Variants in SLC4A4 observed in about 807,000 individuals in gnomAD.
The protein encoded by SLC4A4 is solute carrier family 4 member 4.
SLC4A4 carries 27 observed loss-of-function variants against 111.5 expected under a neutral mutation model. That is an observed-to-expected ratio of 0.24 (90% CI 0.18 to 0.33). The LOEUF (loss-of-function observed/expected upper bound fraction) is 0.33, where lower values mean the gene tolerates loss of function less well. Among genes scored for constraint, SLC4A4 ranks in the 10% least tolerant of loss-of-function variants. The probability of loss-of-function intolerance (pLI) is 1.00; values close to 1 mark genes in which losing one functional copy is unlikely to be tolerated. For synonymous variants in SLC4A4, 443 were observed against 463.4 expected, an observed-to-expected ratio of 0.96 and a Z score of 0.57; for missense variants, 909 against 1,315.5, an observed-to-expected ratio of 0.69 and a Z score of 4.78.
In SLC4A4 at chr4:71,144,892, A is replaced by C. The variant is rs1325150439; in HGVS notation, c.-2+52100A>C. On this transcript the variant is annotated intron_variant, in intron 2 of 26. Coordinates refer to the SLC4A4 transcript ENST00000649996. ...TAGATATACAATCATGTCATCTGCA[A>C]ACAGGGACAATTTGACTTCCTCTTT... is the stretch of plus-strand genomic sequence containing the variant. Among the ~76,000 whole-genome samples, 4 of 152,292 alleles carry C rather than the reference A, an allele frequency of 2.6e-5. No individual in the cohort carries two copies. In the East Asian group the frequency reaches 7.7e-4, roughly 29 times the overall value.
intron 1 of SLC4A4, among the ~76,000 whole-genome samples, chr4:71,089,034 G>A (rs61233301): frequency 0.013 from 1,934 of 151,994 alleles, 62 homozygotes; most frequent in African/African-American, 0.044. Context: ...TGTCACTTTC[G>A]GTACACCAGT....
At chr4:71,438,300 CAA>C (rs892092483) in intron 7 of SLC4A4, among the ~76,000 whole-genome samples, 6 of 152,098 alleles carry the variant, frequency 3.9e-5, no homozygotes, top group African/African-American at 1.4e-4. Flanking sequence ...GATGCAAAGA[CAA>C]AGAGATGAGA....
At chr4:71,084,553 C>G (rs12499184) in intron 1 of SLC4A4, among the ~76,000 whole-genome samples, 2,152 of 151,724 alleles carry the variant, frequency 0.014, 74 homozygotes, top group African/African-American at 0.047. Context: ...ATCCCTCCCC[C>G]CTGCCCCCAC....
intron 3 of SLC4A4, among the ~76,000 whole-genome samples, chr4:71,334,309 T>G (rs868777425): frequency 1.3e-5 from 2 of 152,116 alleles, no homozygotes; most frequent in African/African-American, 4.8e-5. Flanking sequence ...AAATGTCACC[T>G]GGGAGCTAGG....
chr4:71,170,718 T>C (rs1171432277), intron 2 of SLC4A4, among the ~76,000 whole-genome samples: 1 of 152,168 alleles, frequency 6.6e-6, no homozygotes, highest in African/African-American at 2.4e-5. Context: ...GTGGAGGATA[T>C]AAGAAACATA....
chr4:71,491,437 T>C (rs1729899881), intron 15 of SLC4A4, among the ~76,000 whole-genome samples: 2 of 151,950 alleles, frequency 1.3e-5, no homozygotes, highest in African/African-American at 4.8e-5. Context: ...ATGTGGAGTT[T>C]GCATGTTCTT....
At chr4:71,384,123 T>C (rs1456183234) in intron 6 of SLC4A4, among the ~76,000 whole-genome samples, 1 of 152,188 alleles carries the variant, frequency 6.6e-6, no homozygotes, top group Non-Finnish European at 1.5e-5. Context: ...CTGAACAGAA[T>C]TTTCCAGAGT....
intron 2 of SLC4A4, among the ~76,000 whole-genome samples, chr4:71,159,281 A>G (rs1217565629): frequency 1.3e-5 from 2 of 152,216 alleles, no homozygotes; most frequent in African/African-American, 2.4e-5. Flanking sequence ...TTAATCTTAC[A>G]ACTTCAAACA....
intron 5 of SLC4A4, among the ~76,000 whole-genome samples, chr4:71,350,812 G>T (rs1340277896): frequency 6.6e-6 from 1 of 152,102 alleles, no homozygotes; most frequent in Non-Finnish European, 1.5e-5. Flanking sequence ...CCTTCTGCAG[G>T]TCTTTGATCC....
chr4:71,318,906 A>T (rs1726908610), intron 3 of SLC4A4, among the ~76,000 whole-genome samples: 2 of 151,516 alleles, frequency 1.3e-5, no homozygotes, highest in Admixed American at 1.3e-4. Flanking sequence ...TGTAGTAGAG[A>T]ATTAGACTTC....
At chr4:71,283,268 C>A (rs1270794090) in intron 3 of SLC4A4, among the ~76,000 whole-genome samples, 1 of 152,190 alleles carries the variant, frequency 6.6e-6, no homozygotes, top group East Asian at 1.9e-4. Flanking sequence ...GAATGAAAAG[C>A]TGAATTCCAT....
intron 16 of SLC4A4, among the ~76,000 whole-genome samples, chr4:71,527,696 TAA>T (rs201680509): frequency 6.8e-6 from 1 of 146,332 alleles, no homozygotes; most frequent in Admixed American, 6.8e-5. Context: ...TCCTCTTTAT[TAA>T]AAAAAAAAAG....
chr4:71,210,687 G>T (rs1162488752), intron 1 of SLC4A4, among the ~76,000 whole-genome samples: 2 of 152,208 alleles, frequency 1.3e-5, no homozygotes, highest in African/African-American at 2.4e-5. Flanking sequence ...TAAACAAAAT[G>T]ATCAGAAGAA....
At chr4:71,195,062 G>A (rs1042847945) in intron 1 of SLC4A4, among the ~76,000 whole-genome samples, 4 of 152,144 alleles carry the variant, frequency 2.6e-5, no homozygotes, top group South Asian at 2.1e-4. Context: ...GAATTAAAAT[G>A]TGTATGATTT....
At chr4:71,229,334 T>C (rs72607826) in intron 1 of SLC4A4, among the ~76,000 whole-genome samples, 19,960 of 152,230 alleles carry the variant, frequency 0.13, 1,475 homozygotes, top group South Asian at 0.32. Context: ...TTCTGGACTT[T>C]TCTACTATAC....
At chr4:71,463,725 C>G (rs995197062) in intron 12 of SLC4A4, among the ~76,000 whole-genome samples, 2 of 152,102 alleles carry the variant, frequency 1.3e-5, no homozygotes, top group Admixed American at 6.6e-5. Context: ...CCTAGAGTGT[C>G]ATTTGGGTCT....
intron 6 of SLC4A4, among the ~76,000 whole-genome samples, chr4:71,376,201 G>A (rs10015483): frequency 1.7e-5 from 2 of 119,276 alleles, no homozygotes; most frequent in Non-Finnish European, 3.7e-5. Flanking sequence ...ACATATATAT[G>A]TGTGTATATA....
At chr4:71,312,871 G>C (rs917420954) in intron 3 of SLC4A4, among the ~76,000 whole-genome samples, 1 of 152,166 alleles carries the variant, frequency 6.6e-6, no homozygotes, top group Non-Finnish European at 1.5e-5. Context: ...ACAAGACAAG[G>C]ATGCCCTCTC....
At chr4:71,070,898 G>A (rs1741643185) in intron 1 of SLC4A4, among the ~76,000 whole-genome samples, 1 of 152,200 alleles carries the variant, frequency 6.6e-6, no homozygotes, top group Admixed American at 6.5e-5. Flanking sequence ...TATCAGGTTT[G>A]TGAATAGCAG....
Sources: gnomAD v4.1 joint callset for allele counts (sites outside exome capture counted in the v4.1 genomes callset) on GRCh38, gnomAD v4.1.1 for gene constraint, MANE v1.5 for transcripts, NCBI Gene and HGNC (gene_info 2026-07-23, HGNC 2026-07-21) for gene names.